The following ADCY10 variants were observed in gnomAD, a reference collection of about 807,000 sequenced individuals.
ADCY10 encodes the protein adenylate cyclase type 10.
In ADCY10, 156 loss-of-function variants were observed where a neutral mutation model predicts 183.3. The observed-to-expected ratio is 0.85, with a 90% CI of 0.75 to 0.97. The LOEUF is 0.97. Among genes scored for constraint, ADCY10 ranks in the 50% least tolerant of loss-of-function variants. The probability of loss-of-function intolerance (pLI) is 0.00; values close to 1 mark genes in which losing one functional copy is unlikely to be tolerated. For missense variants in ADCY10, 1,745 were observed against 1,934.3 expected (o/e 0.90, Z 1.84); for synonymous variants, 645 against 670.0 (o/e 0.96, Z 0.58).
chr1:167,899,422 C>T lies in ADCY10; in HGVS notation c.642+1G>A. 3 of 1,614,194 alleles carry T rather than the reference C, an allele frequency of 1.9e-6. No individual in the cohort carries two copies. The highest frequency in any genetic ancestry group is 2.5e-6 in the Non-Finnish European group (3 of 1,180,004). On this transcript the variant is annotated splice_donor_variant, in intron 6 of 32. Coordinates refer to ENST00000367851, the MANE Select transcript of ADCY10 (RefSeq NM_018417.6). LOFTEE classifies it high-confidence loss of function. ...TCTGTAAGTAGCAGCATCACACCCA[C>T]CTTAACTGCTCTCTGATCTGGAACA...
At chr1:167,902,266 A>G (rs1669485478) in intron 3 of ADCY10, among the ~76,000 whole-genome samples, 1 of 152,164 alleles carries the variant, frequency 6.6e-6, no homozygotes, top group South Asian at 2.1e-4. Context: ...GTTTACATCT[A>G]TGCTCCATTT....
Position 167,818,130 on chromosome 1 carries a change from T to A in ADCY10, c.4424A>T (p.Gln1475Leu). The change falls in exon 31 of 33, where the codon CAA (glutamine) becomes CTA (leucine). Residue 1475 changes from glutamine to leucine, a missense_variant. Coordinates refer to ENST00000367851, the MANE Select transcript of ADCY10 (RefSeq NM_018417.6). ...RYMEGQVLHL[Q>L]KQIKEQSENA... ...CTCTGACTGTTCTTTGATTTGTTTT[T>A]GAAGGTGAAGAACTTGCCCCTCCAT... The A allele has an allele frequency of 1.2e-6, 2 of 1,614,238 alleles. No individual in the cohort carries two copies. The highest frequency in any genetic ancestry group is 1.7e-6 in the Non-Finnish European group (2 of 1,180,032).
chr1:167,869,764 C>A (rs1229230716), intron 14 of ADCY10, among the ~76,000 whole-genome samples: 1 of 152,128 alleles, frequency 6.6e-6, no homozygotes, highest in African/African-American at 2.4e-5. Flanking sequence ...GAGTTGTGAG[C>A]CCTTAAAAGG....
intron 14 of ADCY10, 98 bp downstream of exon 14, chr1:167,870,159 A>G: frequency 7.5e-7 from 1 of 1,325,076 alleles, no homozygotes; most frequent in East Asian, 2.3e-5. Flanking sequence ...TGTAGGTTAT[A>G]GATAATTTAC....
chr1:167,851,309 C>T (rs972921619), intron 18 of ADCY10, among the ~76,000 whole-genome samples: 5 of 152,088 alleles, frequency 3.3e-5, no homozygotes, highest in Non-Finnish European at 7.4e-5. Context: ...ACCTCAGCCT[C>T]CCAGGTAGCT....
At chr1:167,892,595 C>G (rs415174) in intron 8 of ADCY10, among the ~76,000 whole-genome samples, 39,864 of 151,874 alleles carry the variant, frequency 0.26, 5,606 homozygotes, top group African/African-American at 0.37. Context: ...AGAATGGCTG[C>G]GGGAGAATGG....
rs547600409 is a variant in ADCY10, at chr1:167,854,199, T to C, written c.2308+154A>G. Among the ~76,000 whole-genome samples the C allele has an allele frequency of 7.2e-5, 11 of 152,288 alleles. No individual in the cohort carries two copies. In the South Asian group the frequency reaches 2.1e-3, roughly 29 times the overall value. ...CAGGCAATGTTAAGTTCGCTTACAATCTGGAATATCGGATCCAATAATTCC... is the reference window on the plus strand; with the variant it reads ...CAGGCAATGTTAAGTTCGCTTACAACCTGGAATATCGGATCCAATAATTCC... On this transcript the variant is annotated intron_variant, in intron 18 of 32. Coordinates refer to ENST00000367851, the MANE Select transcript of ADCY10 (RefSeq NM_018417.6).
intron 21 of ADCY10, among the ~76,000 whole-genome samples, chr1:167,843,935 CTA>C (rs1273714066): frequency 2.0e-5 from 3 of 152,158 alleles, no homozygotes; most frequent in African/African-American, 7.2e-5. Flanking sequence ...TTCCTCATTT[CTA>C]TGTCTTAGGT....
intron 2 of ADCY10, chr1:167,904,598 T>G: frequency 2.1e-6 from 1 of 466,246 alleles, no homozygotes; most frequent in Non-Finnish European, 3.8e-6. Flanking sequence ...ACACACACAT[T>G]TCAAACACTT....
intron 16 of ADCY10, among the ~76,000 whole-genome samples, chr1:167,856,688 T>C (rs1227307982): frequency 2.0e-5 from 3 of 152,210 alleles, no homozygotes; most frequent in Admixed American, 6.5e-5. Flanking sequence ...GTAAAGATAG[T>C]GCAAATTTGG....
chr1:167,905,295 C>T, intron 1 of ADCY10, 97 bp from the exon 2 acceptor site: 1 of 938,844 alleles, frequency 1.1e-6, no homozygotes, highest in South Asian at 1.4e-5. Context: ...CTGCGGCCTG[C>T]TTATAGTGGT....
chr1:167,818,993 A>T (rs1402106115), intron 30 of ADCY10, among the ~76,000 whole-genome samples: 1 of 152,150 alleles, frequency 6.6e-6, no homozygotes, highest in African/African-American at 2.4e-5. Flanking sequence ...TATCACCTGG[A>T]TTCTCATTAA....
intron 26 of ADCY10, among the ~76,000 whole-genome samples, chr1:167,829,065 C>A (rs1029744882): frequency 2.0e-5 from 3 of 152,118 alleles, no homozygotes; most frequent in African/African-American, 7.2e-5. Context: ...AAAAGCTATT[C>A]GGGATCTTCA....
chr1:167,861,212 C>A, intron 14 of ADCY10, 149 bp from the exon 15 acceptor site: 1 of 711,826 alleles, frequency 1.4e-6, no homozygotes, highest in South Asian at 1.7e-5. Context: ...TTTATTGCTG[C>A]TTCTGATATA....
intron 13 of ADCY10, among the ~76,000 whole-genome samples, chr1:167,870,799 C>T (rs1476479994): frequency 6.7e-6 from 1 of 148,752 alleles, no homozygotes; most frequent in Non-Finnish European, 1.5e-5. Flanking sequence ...ACAAGCAAAA[C>T]TCCATCTAAA....
intron 12 of ADCY10, among the ~76,000 whole-genome samples, chr1:167,877,499 C>T (rs1353284385): frequency 6.6e-6 from 1 of 151,906 alleles, no homozygotes; most frequent in Non-Finnish European, 1.5e-5. Flanking sequence ...TGAATAACAA[C>T]TTTCTGCTCT....
chr1:167,889,369 A>G (rs1668451805), intron 8 of ADCY10, among the ~76,000 whole-genome samples: 1 of 152,092 alleles, frequency 6.6e-6, no homozygotes, highest in East Asian at 1.9e-4. Context: ...GATAAGACAT[A>G]TCACAGTGTT....
intron 14 of ADCY10, among the ~76,000 whole-genome samples, chr1:167,865,894 T>C (rs1666643250): frequency 1.3e-5 from 2 of 152,306 alleles, no homozygotes; most frequent in South Asian, 2.1e-4. Context: ...TTTTCCAGGA[T>C]TCTACAGCCT....
At chr1:167,867,698 C>T (rs553854217) in intron 14 of ADCY10, among the ~76,000 whole-genome samples, 1 of 151,700 alleles carries the variant, frequency 6.6e-6, no homozygotes, top group African/African-American at 2.4e-5. Context: ...GAGGGATCCC[C>T]AAGCATGTAA....
Sources: gnomAD v4.1 joint callset for allele counts (sites outside exome capture counted in the v4.1 genomes callset) on GRCh38, gnomAD v4.1.1 for gene constraint, MANE v1.5 for transcripts, NCBI Gene and HGNC (gene_info 2026-07-23, HGNC 2026-07-21) for gene names.